The following GRM1 variants were observed in gnomAD, a reference collection of about 807,000 sequenced individuals.
GRM1 encodes the protein glutamate metabotropic receptor 1, also known as metabotropic glutamate receptor 1.
A neutral mutation model predicts 90.9 loss-of-function variants in GRM1; 33 were observed. That is an observed-to-expected ratio of 0.36 (90% confidence interval 0.28 to 0.49). GRM1 has a LOEUF of 0.49. Ranked by LOEUF, GRM1 falls within the 20% of genes least tolerant of loss-of-function variation. The pLI, the probability that GRM1 is intolerant of heterozygous loss-of-function variation, is 0.99. For missense variants in GRM1, 1,190 were observed against 1,534.3 expected, an observed-to-expected ratio of 0.78 and a Z score of 3.75; for synonymous variants, 700 against 613.2, an observed-to-expected ratio of 1.14 and a Z score of -2.09.
At chr6:146,315,565 G>A (rs1038417611) in intron 3 of GRM1, among the ~76,000 whole-genome samples, 2 of 152,100 alleles carry the variant, frequency 1.3e-5, no homozygotes, top group African/African-American at 4.8e-5. Context: ...TAGTTCTCAA[G>A]CATGGCTTAT....
At chr6:146,088,128 A>C (rs1306305720) in intron 1 of GRM1, among the ~76,000 whole-genome samples, 3 of 152,070 alleles carry the variant, frequency 2.0e-5, no homozygotes, top group African/African-American at 7.2e-5. Context: ...TATTTTAACT[A>C]TTCTGATATG....
At chr6:146,134,501 G>A (rs1776533465) in intron 1 of GRM1, among the ~76,000 whole-genome samples, 1 of 152,136 alleles carries the variant, frequency 6.6e-6, no homozygotes, top group Non-Finnish European at 1.5e-5. Context: ...GAGGCCTCAG[G>A]AAACTTACAA....
At chr6:146,083,572 A>G (rs1344196473) in intron 1 of GRM1, among the ~76,000 whole-genome samples, 1 of 152,194 alleles carries the variant, frequency 6.6e-6, no homozygotes, top group African/African-American at 2.4e-5. Flanking sequence ...CTTGCATCCT[A>G]GGGATGAAGC....
intron 2 of GRM1, among the ~76,000 whole-genome samples, chr6:146,222,776 A>G (rs748922148): frequency 6.4e-4 from 98 of 152,214 alleles, no homozygotes; most frequent in South Asian, 1.5e-3. Context: ...TGAAGTTGAC[A>G]CATAAAATTA....
intron 2 of GRM1, among the ~76,000 whole-genome samples, chr6:146,200,042 G>A (rs761883354): frequency 3.3e-5 from 5 of 152,100 alleles, no homozygotes; most frequent in Non-Finnish European, 5.9e-5. Context: ...CAGAGCTCAC[G>A]TCCTCAGAGG....
intron 2 of GRM1, among the ~76,000 whole-genome samples, chr6:146,175,682 G>C (rs958024717): frequency 6.6e-6 from 1 of 152,018 alleles, no homozygotes. Flanking sequence ...TGGGTCATTG[G>C]AAGTTTTTCT....
intron 1 of GRM1, among the ~76,000 whole-genome samples, chr6:146,105,932 C>G (rs186604436): frequency 6.6e-6 from 1 of 152,270 alleles, no homozygotes; most frequent in East Asian, 1.9e-4. Context: ...TCTCTCACCT[C>G]TCAGTCTAGT....
chr6:146,212,025 C>T (rs535988568), intron 2 of GRM1, among the ~76,000 whole-genome samples: 1 of 152,278 alleles, frequency 6.6e-6, no homozygotes, highest in East Asian at 1.9e-4. Context: ...CTCTTGGGAA[C>T]TAGCAGAAGT....
chr6:146,156,805 C>A (rs576329017), intron 1 of GRM1, among the ~76,000 whole-genome samples: 2 of 152,242 alleles, frequency 1.3e-5, no homozygotes, highest in African/African-American at 4.8e-5. Context: ...ATAAGGGCTA[C>A]AGGAATGGTC....
intron 1 of GRM1, among the ~76,000 whole-genome samples, chr6:146,037,183 T>C (rs1327743006): frequency 6.6e-6 from 1 of 151,942 alleles, no homozygotes; most frequent in African/African-American, 2.4e-5. Flanking sequence ...TTTCTTAAAC[T>C]GCCACCAAAG....
intron 6 of GRM1, among the ~76,000 whole-genome samples, chr6:146,396,141 G>T (rs192116234): frequency 1.1e-4 from 16 of 147,648 alleles, no homozygotes; most frequent in African/African-American, 3.0e-4. Flanking sequence ...TGTATCATCT[G>T]TCTTGCCTGC....
intron 1 of GRM1, among the ~76,000 whole-genome samples, chr6:146,033,362 A>G (rs1253626027): frequency 5.9e-5 from 9 of 152,146 alleles, no homozygotes; most frequent in Non-Finnish European, 1.2e-4. Context: ...GATAAAATAC[A>G]GATTCCCCGT....
intron 5 of GRM1, among the ~76,000 whole-genome samples, chr6:146,375,917 C>G (rs1018595074): frequency 2.0e-5 from 3 of 151,860 alleles, no homozygotes; most frequent in Admixed American, 6.6e-5. Context: ...TATTTGTTTT[C>G]TGGTAGTTTT....
Position 146,249,072 on chromosome 6 carries a change from G to A in GRM1, c.951-55539G>A, listed in dbSNP as rs188529762. Among the ~76,000 whole-genome samples, 275 of 152,268 alleles carry A rather than the reference G, an allele frequency of 1.8e-3. 2 individuals carry two copies. The highest frequency in any genetic ancestry group is 6.1e-3 in the African/African-American group (252 of 41,552). On this transcript the variant is annotated intron_variant, in intron 2 of 7. Transcript: ENST00000282753. ...TTATTCTGAAAGCATTCAGTTACAT[G>A]CATTCACAAGAAAATGGGTTGAAAT...
intron 2 of GRM1, among the ~76,000 whole-genome samples, chr6:146,276,870 G>A (rs561625935): frequency 6.6e-6 from 1 of 152,298 alleles, no homozygotes; most frequent in East Asian, 1.9e-4. Flanking sequence ...GGAAGCTGAA[G>A]TGAAAGGGTT....
intron 2 of GRM1, among the ~76,000 whole-genome samples, chr6:146,282,237 A>G (rs1280875322): frequency 1.3e-5 from 2 of 152,200 alleles, no homozygotes; most frequent in Non-Finnish European, 2.9e-5. Context: ...TAGCTGAAAT[A>G]TCATTCTATT....
chr6:146,351,113 C>A (rs1375857361), intron 3 of GRM1, among the ~76,000 whole-genome samples: 1 of 152,182 alleles, frequency 6.6e-6, no homozygotes, highest in Non-Finnish European at 1.5e-5. Flanking sequence ...CTAAATATTT[C>A]TCTGCTAGTC....
chr6:146,152,687 C>T (rs148259119), intron 1 of GRM1, among the ~76,000 whole-genome samples: 1,977 of 152,208 alleles, frequency 0.013, 29 homozygotes, highest in Middle Eastern at 0.031. Context: ...CAGTGCCAGA[C>T]ACATAGTAAA....
chr6:146,082,020 T>G (rs1336808188), intron 1 of GRM1, among the ~76,000 whole-genome samples: 2 of 152,184 alleles, frequency 1.3e-5, no homozygotes, highest in Non-Finnish European at 2.9e-5. Context: ...GAACATATGC[T>G]GAAATGCAGG....
Sources: allele counts gnomAD v4.1 joint callset (sites outside exome capture counted in the v4.1 genomes callset), GRCh38; gene constraint gnomAD v4.1.1; transcripts MANE v1.5; gene names NCBI Gene and HGNC (gene_info 2026-07-23, HGNC 2026-07-21).